The following DYNC2I1 variants were observed in gnomAD, a reference collection of about 807,000 sequenced individuals.
DYNC2I1 encodes the protein dynein 2 intermediate chain 1, also known as cytoplasmic dynein 2 intermediate chain 1.
DYNC2I1 carries 89 observed loss-of-function variants against 133.4 expected under a neutral mutation model. The ratio of observed to expected loss-of-function variants is 0.67; its 90% confidence interval spans 0.56 to 0.80. The LOEUF (loss-of-function observed/expected upper bound fraction) is 0.80, where lower values mean the gene tolerates loss of function less well. DYNC2I1 is among the 30% of genes least tolerant of loss of function. The probability of loss-of-function intolerance (pLI) is 0.00; values close to 1 mark genes in which losing one functional copy is unlikely to be tolerated. For missense variants in DYNC2I1, 1,291 were observed against 1,314.5 expected (o/e 0.98, Z 0.28); for synonymous variants, 504 against 484.3 (o/e 1.04, Z -0.54).
chr7:158,889,224 G>GCACA, intron 7 of DYNC2I1, among the ~76,000 whole-genome samples: 1 of 152,090 alleles, frequency 6.6e-6, no homozygotes, highest in South Asian at 2.1e-4. Flanking sequence ...GGGACTACAG[G>GCACA]CGCCTGTCAC....
At position 158,901,787 on chromosome 7, in the gene DYNC2I1, T is replaced by C. The variant is rs1278303429; in HGVS notation, c.1108T>C (p.Tyr370His). ...TTTAGAAAATGCTAGAGCTGATGCA[T>C]ATACAGCCAGTTGTGAAGATGATTT... ...TDLENARADA[Y>H]TASCEDDFED... Residue 370 changes from tyrosine (Y) to histidine (H), a missense_variant, in exon 9 of 25, where the codon TAT becomes CAT. Tyr to His is a moderately conservative substitution (Grantham distance 83). Transcript: ENST00000407559. 3 of 1,582,284 alleles carry C rather than the reference T, an allele frequency of 1.9e-6. No individual in the cohort carries two copies. The highest frequency in any genetic ancestry group is 2.6e-6 in the Non-Finnish European group (3 of 1,164,026).
intron 2 of DYNC2I1, among the ~76,000 whole-genome samples, chr7:158,870,636 G>A (rs1197918367): frequency 6.6e-6 from 1 of 152,162 alleles, no homozygotes; most frequent in African/African-American, 2.4e-5. Flanking sequence ...GCCTCCCAAA[G>A]TGCTGGGATA....
At chr7:158,944,608 ACT>A (rs1390639372) in intron 24 of DYNC2I1, among the ~76,000 whole-genome samples, 1 of 152,038 alleles carries the variant, frequency 6.6e-6, no homozygotes, top group African/African-American at 2.4e-5. Context: ...TCATTCCCAC[ACT>A]CTGCCGCCCC....
At chr7:158,917,714 C>T (rs1412911331) in intron 14 of DYNC2I1, among the ~76,000 whole-genome samples, 4 of 151,896 alleles carry the variant, frequency 2.6e-5, no homozygotes, top group Non-Finnish European at 5.9e-5. Flanking sequence ...CCCTGCCCTC[C>T]ACACTCCACC....
chr7:158,869,989 A>G, intron 2 of DYNC2I1, 81 bp downstream of exon 2: 1 of 1,227,410 alleles, frequency 8.1e-7, no homozygotes. Flanking sequence ...GGTACACAAC[A>G]CTGTATAACT....
chr7:158,949,730 CAAGT>C (rs1456491248), downstream of DYNC2I1, among the ~76,000 whole-genome samples: 4 of 151,278 alleles, frequency 2.6e-5, no homozygotes, highest in South Asian at 6.3e-4. Flanking sequence ...CAAAGCAAGA[CAAGT>C]AAGGATGCTT....
chr7:158,951,430 G>A (rs994934701), intron 4 of DYNC2I1, among the ~76,000 whole-genome samples: 1 of 152,254 alleles, frequency 6.6e-6, no homozygotes, highest in Admixed American at 6.5e-5. Context: ...GAGTCTGCGA[G>A]AGGCACAGGG....
At chr7:158,915,459 G>C (rs77033936) in intron 14 of DYNC2I1, among the ~76,000 whole-genome samples, 1,575 of 55,482 alleles carry the variant, frequency 0.028, 2 homozygotes, top group African/African-American at 0.039. Context: ...ATTGTGAAAC[G>C]TCGACACGCT....
intron 23 of DYNC2I1, among the ~76,000 whole-genome samples, chr7:158,935,786 C>T (rs1355721540): frequency 6.6e-6 from 1 of 152,210 alleles, no homozygotes; most frequent in Non-Finnish European, 1.5e-5. Context: ...TCTCTTTAGG[C>T]TGGGTGCTGT....
intron 14 of DYNC2I1, among the ~76,000 whole-genome samples, chr7:158,915,692 C>G (rs1484658607): frequency 2.8e-5 from 4 of 144,760 alleles, no homozygotes; most frequent in Non-Finnish European, 3.1e-5. Flanking sequence ...CGTCGACACG[C>G]TGGTTGACAT....
intron 14 of DYNC2I1, among the ~76,000 whole-genome samples, chr7:158,914,725 G>C (rs1015463331): frequency 2.0e-5 from 3 of 152,154 alleles, no homozygotes; most frequent in Non-Finnish European, 4.4e-5. Context: ...AAAGAGACAT[G>C]GAACAGTCCT....
intron 4 of DYNC2I1, among the ~76,000 whole-genome samples, chr7:158,952,904 C>T (rs375543769): frequency 6.6e-6 from 1 of 152,210 alleles, no homozygotes; most frequent in African/African-American, 2.4e-5. Context: ...CTTGAAACTC[C>T]GTGAGCCTCA....
At chr7:158,870,971 A>G (rs1842823496) in intron 2 of DYNC2I1, among the ~76,000 whole-genome samples, 171 bp from the exon 3 acceptor site, 1 of 152,224 alleles carries the variant, frequency 6.6e-6, no homozygotes, top group African/African-American at 2.4e-5. Flanking sequence ...TTCTAAGAAC[A>G]TCCATGCAGG....
At chr7:158,853,438 G>A (rs1331822427), upstream of DYNC2I1, among the ~76,000 whole-genome samples, 1 of 152,134 alleles carries the variant, frequency 6.6e-6, no homozygotes, top group Non-Finnish European at 1.5e-5. Flanking sequence ...CTACCTGGAG[G>A]CCTCATCTGC....
chr7:158,902,711 C>T, intron 10 of DYNC2I1, 116 bp downstream of exon 10: 2 of 901,672 alleles, frequency 2.2e-6, no homozygotes, highest in Non-Finnish European at 3.4e-6. Flanking sequence ...GCAGTAACAT[C>T]TTCCACATGC....
downstream of DYNC2I1, among the ~76,000 whole-genome samples, chr7:158,950,290 C>A (rs1394328100): frequency 1.3e-5 from 2 of 152,158 alleles, no homozygotes; most frequent in Non-Finnish European, 2.9e-5. Flanking sequence ...TTCTTGAACT[C>A]CTGACCTCAA....
the DYNC2I1 span, among the ~76,000 whole-genome samples, chr7:158,840,036 A>G: frequency 6.6e-6 from 1 of 152,128 alleles, no homozygotes; most frequent in African/African-American, 2.4e-5. Context: ...GCTGGTCTCA[A>G]ACTCTTGGGC....
intron 23 of DYNC2I1, among the ~76,000 whole-genome samples, chr7:158,939,765 T>A (rs1851143102): frequency 6.6e-6 from 1 of 151,740 alleles, no homozygotes; most frequent in African/African-American, 2.4e-5. Flanking sequence ...ACTAAAAGGG[T>A]GGAAAAAGGT....
intron 20 of DYNC2I1, among the ~76,000 whole-genome samples, chr7:158,927,983 T>C (rs1439784804): frequency 6.6e-6 from 1 of 152,208 alleles, no homozygotes; most frequent in African/African-American, 2.4e-5. Context: ...TCCGAGTCTT[T>C]CAGTGCGCAT....
Sources: allele counts gnomAD v4.1 joint callset (sites outside exome capture counted in the v4.1 genomes callset), GRCh38; gene constraint gnomAD v4.1.1; transcripts MANE v1.5; gene names NCBI Gene and HGNC (gene_info 2026-07-23, HGNC 2026-07-21).